Variants in NHERF1 observed in about 807,000 individuals in gnomAD.
NHERF1 encodes the protein Na(+)/H(+) exchange regulatory cofactor NHE-RF1.
the NHERF1 span, chr17:74,749,371 G>T: frequency 5.4e-6 from 7 of 1,297,498 alleles, no homozygotes; most frequent in African/African-American, 1.5e-5. This position sits in a 1 kb window ranked among gnomAD's most constrained non-coding sequence, Gnocchi z 5.6. Context: ...GTCCAGCCCC[G>T]CGCCCGCCGT....
chr17:74,754,218 G>A, the NHERF1 span, among the ~76,000 whole-genome samples: 1 of 151,912 alleles, frequency 6.6e-6, no homozygotes, highest in Admixed American at 6.6e-5. Context: ...GGTGCTGCAG[G>A]ACTCTTTACA....
the NHERF1 span, chr17:74,763,241 C>T: frequency 1.2e-6 from 1 of 817,064 alleles, no homozygotes; most frequent in Non-Finnish European, 1.9e-6. Context: ...GGGTCAGTAT[C>T]CCCAGGTTGT....
chr17:74,749,043 A>G, the NHERF1 span: 1 of 1,599,544 alleles, frequency 6.3e-7, no homozygotes. This position sits in a 1 kb window ranked among gnomAD's most constrained non-coding sequence, Gnocchi z 5.6. Flanking sequence ...AACGGCGAAA[A>G]CGTGGAGAAG....
chr17:74,751,955 G>A, the NHERF1 span, among the ~76,000 whole-genome samples: 1 of 152,338 alleles, frequency 6.6e-6, no homozygotes, highest in East Asian at 1.9e-4. This position sits in a 1 kb window ranked among gnomAD's most constrained non-coding sequence, Gnocchi z 4.3. Flanking sequence ...CTCAGTGCCT[G>A]GCACTGAGTC....
At chr17:74,763,576 T>C in the NHERF1 span, 1 of 1,538,058 alleles carries the variant, frequency 6.5e-7, no homozygotes, top group Non-Finnish European at 8.8e-7. Flanking sequence ...AAGTCAGGGA[T>C]GTGAGCCAGG....
At chr17:74,752,723 G>A in the NHERF1 span, among the ~76,000 whole-genome samples, 2 of 152,108 alleles carry the variant, frequency 1.3e-5, no homozygotes, top group Admixed American at 6.6e-5. Flanking sequence ...TGAACTCCTG[G>A]GCTGAGGTGA....
the NHERF1 span, among the ~76,000 whole-genome samples, chr17:74,761,282 T>C: frequency 6.6e-6 from 1 of 152,294 alleles, no homozygotes; most frequent in Middle Eastern, 3.4e-3. The surrounding 1 kb of genome is among the most constrained non-coding windows in gnomAD (Gnocchi z 4.3). Flanking sequence ...GGGGTCTCTG[T>C]GCTTCCGTTG....
the NHERF1 span, chr17:74,749,308 G>A: frequency 2.6e-6 from 4 of 1,523,286 alleles, no homozygotes; most frequent in Admixed American, 4.0e-5. This position sits in a 1 kb window ranked among gnomAD's most constrained non-coding sequence, Gnocchi z 5.6. Context: ...CCCAAGCCGC[G>A]CAGGCTGGCA....
the NHERF1 span, among the ~76,000 whole-genome samples, chr17:74,763,933 G>C: frequency 1.3e-5 from 2 of 151,926 alleles, no homozygotes; most frequent in African/African-American, 4.9e-5. Context: ...GTCCAGTGAC[G>C]GGGGCCGGTG....
chr17:74,766,266 G>A, the NHERF1 span, among the ~76,000 whole-genome samples: 50 of 151,886 alleles, frequency 3.3e-4, no homozygotes, highest in African/African-American at 1.1e-3. Flanking sequence ...GCGTGATCTC[G>A]GCTCACTGCA....
At chr17:74,761,452 TGA>T in the NHERF1 span, among the ~76,000 whole-genome samples, 1 of 151,886 alleles carries the variant, frequency 6.6e-6, no homozygotes, top group Non-Finnish European at 1.5e-5. This position sits in a 1 kb window ranked among gnomAD's most constrained non-coding sequence, Gnocchi z 4.3. Flanking sequence ...TTGGTGGGGG[TGA>T]GAGAGAGTTC....
At chr17:74,760,154 G>T in the NHERF1 span, among the ~76,000 whole-genome samples, 6 of 152,070 alleles carry the variant, frequency 3.9e-5, no homozygotes, top group African/African-American at 1.4e-4. The surrounding 1 kb of genome is among the most constrained non-coding windows in gnomAD (Gnocchi z 4.5). Context: ...TTTGTGGAGG[G>T]ATTAGCTCTA....
At chr17:74,748,869 G>A in the NHERF1 span, 7 of 1,595,372 alleles carry the variant, frequency 4.4e-6, no homozygotes, top group Middle Eastern at 3.3e-4. This position sits in a 1 kb window ranked among gnomAD's most constrained non-coding sequence, Gnocchi z 4.3. Context: ...GCAGCGGCCG[G>A]GGCGCCCCTG....
At chr17:74,756,941 C>T in the NHERF1 span, among the ~76,000 whole-genome samples, 3 of 152,176 alleles carry the variant, frequency 2.0e-5, no homozygotes, top group East Asian at 5.8e-4. Context: ...CTTGGGACAA[C>T]CCCTGGGGGT....
chr17:74,764,819 C>T, the NHERF1 span, among the ~76,000 whole-genome samples: 2 of 152,326 alleles, frequency 1.3e-5, no homozygotes, highest in East Asian at 1.9e-4. The surrounding 1 kb of genome is among the most constrained non-coding windows in gnomAD (Gnocchi z 4.9). Flanking sequence ...CCCCCCTCTC[C>T]GGCTGCCAGG....
At chr17:74,755,332 A>G in the NHERF1 span, among the ~76,000 whole-genome samples, 3 of 152,134 alleles carry the variant, frequency 2.0e-5, no homozygotes, top group South Asian at 2.1e-4. Flanking sequence ...TGATAGGTCA[A>G]TCTGGAATCT....
At chr17:74,748,753 G>T in the NHERF1 span, 2 of 1,179,806 alleles carry the variant, frequency 1.7e-6, no homozygotes, top group South Asian at 2.7e-5. This position sits in a 1 kb window ranked among gnomAD's most constrained non-coding sequence, Gnocchi z 4.3. Context: ...TCTCTGCTGC[G>T]CTCCCGGTTC....
chr17:74,752,683 G>A, the NHERF1 span, among the ~76,000 whole-genome samples: 1 of 152,134 alleles, frequency 6.6e-6, no homozygotes, highest in Non-Finnish European at 1.5e-5. Flanking sequence ...TTGTAGAGAT[G>A]GAGTTTCACC....
the NHERF1 span, chr17:74,762,301 T>C: frequency 2.1e-6 from 1 of 485,576 alleles, no homozygotes; most frequent in Non-Finnish European, 4.0e-6. This position sits in a 1 kb window ranked among gnomAD's most constrained non-coding sequence, Gnocchi z 4.2. Flanking sequence ...AGCTGCTGGA[T>C]GGATGGGTGG....
Sources: gnomAD v4.1 joint callset for allele counts (sites outside exome capture counted in the v4.1 genomes callset) on GRCh38, gnomAD v4.1.1 for gene constraint, Gnocchi (gnomAD v3.1) non-coding constraint, MANE v1.5 for transcripts, NCBI Gene and HGNC (gene_info 2026-07-23, HGNC 2026-07-21) for gene names.